The following SLC35A3 variants were observed in gnomAD, a reference collection of about 807,000 sequenced individuals.
The protein encoded by SLC35A3 is UDP-N-acetylglucosamine transporter.
Under a neutral mutation model 39.0 loss-of-function variants are expected in SLC35A3, and 26 were observed. The ratio of observed to expected loss-of-function variants is 0.67; its 90% confidence interval spans 0.49 to 0.92. SLC35A3 has a LOEUF of 0.92. Among genes scored for constraint, SLC35A3 ranks in the 40% least tolerant of loss-of-function variants. SLC35A3 has a pLI of 0.00. For missense variants in SLC35A3, 299 were observed against 371.6 expected (o/e 0.80, Z 1.61); for synonymous variants, 135 against 133.1 (o/e 1.01, Z -0.10).
chr1:100,005,165 T>A (rs1275942970), intron 3 of SLC35A3, among the ~76,000 whole-genome samples: 1 of 152,230 alleles, frequency 6.6e-6, no homozygotes, highest in Non-Finnish European at 1.5e-5. Context: ...TGGCCTATAA[T>A]GTTTCTCTTA....
At chr1:99,991,673 T>G (rs941942900) in intron 1 of SLC35A3, among the ~76,000 whole-genome samples, 2 of 152,250 alleles carry the variant, frequency 1.3e-5, no homozygotes, top group Non-Finnish European at 2.9e-5. Context: ...ACAAAGGATG[T>G]GATCATCACT....
chr1:100,009,464 A>G (rs1392642589), intron 4 of SLC35A3: 1 of 152,210 alleles, frequency 6.6e-6, no homozygotes, highest in Non-Finnish European at 1.5e-5. Context: ...TTGGTCCTAG[A>G]TTATATGTGG....
intron 4 of SLC35A3, chr1:100,009,419 A>G (rs2101341556): frequency 6.6e-6 from 1 of 152,368 alleles, no homozygotes; most frequent in Admixed American, 6.5e-5. Flanking sequence ...ATAATTGACA[A>G]AGATATGGCG....
chr1:99,980,891 A>T (rs1397769780), intron 1 of SLC35A3, among the ~76,000 whole-genome samples: 1 of 152,210 alleles, frequency 6.6e-6, no homozygotes, highest in East Asian at 1.9e-4. Context: ...CTTACATGAA[A>T]AAGGTTTTTG....
At position 100,035,316 on chromosome 1, in the gene SLC35A3, C is replaced by G. The variant is rs1020602293; in HGVS notation, c.*12840C>G. 6.6e-6 allele frequency: 1 copy of G among 152,154 alleles called. No homozygotes were observed. The highest frequency in any genetic ancestry group is 1.5e-5 in the Non-Finnish European group (1 of 68,052). The allele number at this position is 152,154 out of a possible 1,614,324, so 9.4% of individuals were successfully genotyped here. On this transcript the variant is annotated 3_prime_UTR_variant, in exon 8 of 8. Coordinates refer to ENST00000533028, the MANE Select transcript of SLC35A3 (RefSeq NM_012243.3). ...TTTATTCTGAGGATAGTTGAATCCA[C>G]AGGATACTGAGGGCCAGCTGTATTC...
chr1:100,000,553 T>C, intron 3 of SLC35A3: 1 of 152,146 alleles, frequency 6.6e-6, no homozygotes, highest in Non-Finnish European at 1.5e-5. Context: ...TTGCAGAAGC[T>C]TTTTAGTTTA....
chr1:100,030,467 GTAT>G lies in SLC35A3; in HGVS notation c.*7992_*7994del, dbSNP rs1214909481. 1 of 152,196 alleles carries G rather than the reference GTAT, an allele frequency of 6.6e-6. No homozygotes were observed. The highest frequency in any genetic ancestry group is 1.9e-4 in the East Asian group (1 of 5,194). The allele number at this position is 152,196 out of a possible 1,614,324, so 9.4% of individuals were successfully genotyped here. ...CAAATTTGTAAACTTTCTTAAAACA[GTAT>G]GAGATTTTTTTGCAATTTTTTAAAG... On this transcript the variant is annotated 3_prime_UTR_variant, in exon 8 of 8. Transcript: ENST00000533028.
At chr1:99,999,847 C>T (rs762543141) in intron 3 of SLC35A3, among the ~76,000 whole-genome samples, 14 of 151,274 alleles carry the variant, frequency 9.3e-5, no homozygotes, top group East Asian at 1.9e-4. Flanking sequence ...AGTGAAAATA[C>T]GATATTTGTC....
intron 3 of SLC35A3, chr1:100,000,564 A>G (rs1483302026): frequency 2.0e-5 from 3 of 151,946 alleles, no homozygotes; most frequent in East Asian, 3.8e-4. Context: ...TTTTAGTTTA[A>G]TATAGTTCCA....
intron 1 of SLC35A3, among the ~76,000 whole-genome samples, chr1:99,974,584 C>T (rs148027929): frequency 1.3e-5 from 2 of 152,234 alleles, no homozygotes; most frequent in Non-Finnish European, 2.9e-5. Context: ...CCCACCATGG[C>T]CTCTGAAAGT....
At chr1:100,000,438 C>T (rs376119899) in intron 3 of SLC35A3, among the ~76,000 whole-genome samples, 17 of 151,772 alleles carry the variant, frequency 1.1e-4, no homozygotes, top group East Asian at 7.7e-4. Context: ...TTTGTTCTTA[C>T]GCTCTGGAGT....
chr1:100,020,319 G>A (rs1178193308), intron 7 of SLC35A3, among the ~76,000 whole-genome samples: 2 of 152,028 alleles, frequency 1.3e-5, no homozygotes, highest in Non-Finnish European at 2.9e-5. Flanking sequence ...ATTATAGAAA[G>A]GATTCCTGCA....
At chr1:100,011,313 A>G (rs1659617424) in intron 4 of SLC35A3, 52 bp from the exon 5 acceptor site, 1 of 979,710 alleles carries the variant, frequency 1.0e-6, no homozygotes, top group African/African-American at 1.6e-5. Flanking sequence ...CAATATGTTT[A>G]TGTAAAATGT....
rs1661095459 is a variant in SLC35A3 at position 100,029,355 on chromosome 1, C to T, written c.*6879C>T. The T allele has an allele frequency of 6.6e-6, 1 of 151,970 alleles. No homozygotes were observed. The highest frequency in any genetic ancestry group is 2.4e-5 in the African/African-American group (1 of 41,380). 9.4% of individuals were successfully genotyped at this position (151,970 alleles called of 1,614,324 possible). On this transcript the variant is annotated 3_prime_UTR_variant, in exon 8 of 8. Coordinates refer to ENST00000533028, the MANE Select transcript of SLC35A3 (RefSeq NM_012243.3). Reference sequence around the variant, plus strand: ...TTCTTACTACACAAAGACCATTCATCTCTATACACTTCCTTCTGAATTGAT... The same window carrying T: ...TTCTTACTACACAAAGACCATTCATTTCTATACACTTCCTTCTGAATTGAT...
At position 99,993,691 on chromosome 1, in the gene SLC35A3, C is replaced by G. The variant is rs1658224598; in HGVS notation, c.137C>G (p.Ala46Gly). 1.2e-6 allele frequency: 2 copies of G among 1,613,846 alleles called. No individual in the cohort carries two copies. Among genetic ancestry groups the G allele is most frequent in the African/African-American group, 1.3e-5 (1 of 74,886 alleles). The stretch of plus-strand genomic sequence containing the variant: ...CTATCTTCTACAGCAGTGGTTGTTG[C>G]TGAACTTTTGAAGATAATGGCCTGC... Reference protein sequence around the residue: ...RYLSSTAVVVAELLKIMACIL... With the variant: ...RYLSSTAVVVGELLKIMACIL... The change falls in exon 2 of 8, where the codon GCT becomes GGT. Residue 46 changes from alanine (A) to glycine (G), a missense_variant. By Grantham distance (60) the Ala-to-Gly change is moderately conservative. Coordinates refer to ENST00000533028, the MANE Select transcript of SLC35A3 (RefSeq NM_012243.3).
At chr1:100,020,209 C>G (rs78015618) in intron 7 of SLC35A3, among the ~76,000 whole-genome samples, 1 of 149,924 alleles carries the variant, frequency 6.7e-6, no homozygotes, top group Admixed American at 6.6e-5. Context: ...TTTTTTTTTT[C>G]TGAGACAACT....
chr1:100,017,562 C>A (rs1660239771), intron 6 of SLC35A3, 120 bp from the exon 7 acceptor site: 2 of 572,038 alleles, frequency 3.5e-6, no homozygotes, highest in South Asian at 3.4e-5. Flanking sequence ...TAAAATAAAT[C>A]CCTTACTATA....
intron 1 of SLC35A3, among the ~76,000 whole-genome samples, chr1:99,977,172 A>G (rs1657155210): frequency 1.3e-5 from 2 of 151,882 alleles, no homozygotes; most frequent in Admixed American, 6.6e-5. Context: ...GTTCTTGATT[A>G]CCCTTCTATG....
chr1:100,008,195 CCCT>C (rs1161118945), intron 4 of SLC35A3: 5 of 152,130 alleles, frequency 3.3e-5, no homozygotes, highest in South Asian at 2.1e-4. Context: ...TCATGATCCA[CCCT>C]CCTCAGCCTC....
Sources: gnomAD v4.1 joint callset for allele counts (sites outside exome capture counted in the v4.1 genomes callset) on GRCh38, gnomAD v4.1.1 for gene constraint, MANE v1.5 for transcripts, NCBI Gene and HGNC (gene_info 2026-07-23, HGNC 2026-07-21) for gene names.